The following CCNB3 variants were observed in gnomAD, a reference collection of about 807,000 sequenced individuals.
CCNB3 encodes the protein G2/mitotic-specific cyclin-B3.
In CCNB3, 12 loss-of-function variants were observed where a neutral mutation model predicts 68.0. The observed-to-expected ratio is 0.18, with a 90% CI of 0.11 to 0.29. The LOEUF (loss-of-function observed/expected upper bound fraction) is 0.29, where lower values mean the gene tolerates loss of function less well. CCNB3 is among the 10% of genes least tolerant of loss of function. CCNB3 has a pLI of 1.00. For synonymous variants in CCNB3, 354 were observed against 388.9 expected (o/e 0.91, Z 1.06); for missense variants, 904 against 993.1 (o/e 0.91, Z 1.21).
intron 1 of CCNB3, among the ~76,000 whole-genome samples, chrX:50,220,622 C>G (rs1718170865): frequency 3.6e-5 from 4 of 111,801 alleles, no homozygotes; most frequent in Admixed American, 2.8e-4. Context: ...AGGGATGAAG[C>G]CAACTTGATC....
chrX:50,286,903 C>T (rs1936250357), intron 3 of CCNB3, among the ~76,000 whole-genome samples: 1 of 112,528 alleles, frequency 8.9e-6, no homozygotes, highest in Non-Finnish European at 1.9e-5. Flanking sequence ...CCGCCTCAGC[C>T]TCCCAAAGTG....
rs1935866136 is a variant in CCNB3 at position 50,227,087 on chromosome X, T to C, written c.-113+22137T>C. Among the ~76,000 whole-genome samples, 8 of 80,489 alleles carry C rather than the reference T, an allele frequency of 9.9e-5. No homozygotes were observed. In the South Asian group the frequency reaches 4.6e-3, roughly 46 times the overall value. The allele number at this position is 80,489 out of a possible 115,157, so 69.9% of individuals were successfully genotyped here. ...TATATACAAATATAAAGAATATATA[T>C]AAATATATAGAATATACATACAAAT... is the stretch of plus-strand genomic sequence containing the variant. On this transcript the variant is annotated intron_variant, in intron 1 of 12. Transcript: ENST00000376042.
rs1557220319 is a variant in CCNB3 at position 50,346,645 on chromosome X, C to T, written c.3655-7C>T. ...TGGTTGTCACCTCCTCTCCTCTCCA[C>T]CCATAGGAGCACAACTCACCTCGTG... On this transcript the variant is annotated splice_polypyrimidine_tract_variant and splice_region_variant and intron_variant, in intron 9 of 12. Coordinates refer to ENST00000376042, the MANE Select transcript of CCNB3 (RefSeq NM_033031.3). 3 of 1,207,071 alleles carry T rather than the reference C, an allele frequency of 2.5e-6. No individual in the cohort carries two copies. The South Asian group carries it at 5.4e-5, about 22-fold the overall frequency.
intron 8 of CCNB3, among the ~76,000 whole-genome samples, chrX:50,341,367 A>G (rs868911502): frequency 9.7e-6 from 1 of 103,051 alleles, no homozygotes; most frequent in African/African-American, 3.5e-5. Flanking sequence ...AAATAAATAA[A>G]TAAATAAGTA....
intron 5 of CCNB3, 62 bp from the exon 6 acceptor site, chrX:50,308,442 GA>G (rs1381215799): frequency 1.3e-6 from 1 of 751,099 alleles, no homozygotes; most frequent in Non-Finnish European, 1.9e-6. Flanking sequence ...GCAACAAAAG[GA>G]AATGGTAGGT....
Position 50,310,579 on chromosome X carries a change from A to G in CCNB3, c.2410A>G (p.Met804Val). Residue 804 changes from methionine (M) to valine (V), a missense_variant, in exon 6 of 13, where the codon ATG (methionine) becomes GTG (valine). By Grantham distance (21) the Met-to-Val change is conservative (BLOSUM62 1). Around this residue, in one of 2 missense-constraint regions of CCNB3, gnomAD observed 619 missense variants for 609.8 expected, o/e 1.02. Transcript: ENST00000376042. ...GETLFKKLLA[M>V]QEEPSIEKEA... ...GACCCTCTTCAAGAAGCTTTTGGCC[A>G]TGCAGGAGGAGCCCAGCATTGAGAA... 1 of 1,211,307 alleles carries G rather than the reference A, an allele frequency of 8.3e-7. No individual in the cohort carries two copies. Among genetic ancestry groups the G allele is most frequent in the Non-Finnish European group, 1.1e-6 (1 of 895,358 alleles).
rs782207060 is a variant in CCNB3 at position 50,309,614 on chromosome X, C to T, written c.1445C>T (p.Ala482Val). 4 of 1,208,716 alleles carry T rather than the reference C, an allele frequency of 3.3e-6. No individual in the cohort carries two copies. The highest frequency in any genetic ancestry group is 3.5e-5 in the African/African-American group (2 of 56,820). ...ACAAAGAAGTGTACCATTGAGGAGG[C>T]ACCCCCCACCAAGAAGCCTTTAATT... ...AFTKKCTIEE[A>V]PPTKKPLILK... Residue 482 changes from alanine to valine, a missense_variant, in exon 6 of 13, where the codon GCA (alanine) becomes GTA (valine). This residue lies in a region of CCNB3 where 619 missense variants were observed against 609.8 expected (regional missense o/e 1.02). Coordinates refer to ENST00000376042, the MANE Select transcript of CCNB3 (RefSeq NM_033031.3).
intron 8 of CCNB3, among the ~76,000 whole-genome samples, chrX:50,335,754 C>CAT (rs1178667519): frequency 9.0e-6 from 1 of 111,249 alleles, no homozygotes; most frequent in African/African-American, 3.3e-5. Context: ...CCCTGGTGAC[C>CAT]ATAAGAGCCA....
chrX:50,224,710 A>G (rs1252815840), intron 1 of CCNB3, among the ~76,000 whole-genome samples: 1 of 111,522 alleles, frequency 9.0e-6, no homozygotes, highest in Non-Finnish European at 1.9e-5. Flanking sequence ...ACTTGTCTAC[A>G]ATGATGACCT....
chrX:50,215,941 C>CTTTTTT (rs1195858030), intron 1 of CCNB3, among the ~76,000 whole-genome samples: 9 of 52,483 alleles, frequency 1.7e-4, no homozygotes, highest in East Asian at 6.1e-4. Context: ...GGGTGTGCTT[C>CTTTTTT]TTTTTTTTTT....
At chrX:50,228,084 A>G (rs1382242136) in intron 1 of CCNB3, among the ~76,000 whole-genome samples, 2 of 89,036 alleles carry the variant, frequency 2.2e-5, no homozygotes, top group South Asian at 5.1e-4. Context: ...ATAAATATTT[A>G]GAGAATATAT....
intron 7 of CCNB3, among the ~76,000 whole-genome samples, chrX:50,312,938 C>G (rs1485163819): frequency 1.8e-5 from 2 of 110,687 alleles, no homozygotes; most frequent in Non-Finnish European, 3.8e-5. Context: ...GTCTGATTGC[C>G]TTGAAGACCA....
chrX:50,334,959 T>G (rs1196119014), intron 8 of CCNB3, among the ~76,000 whole-genome samples: 1 of 112,079 alleles, frequency 8.9e-6, no homozygotes, highest in Admixed American at 9.4e-5. Flanking sequence ...GAATAGTGAA[T>G]CCCAGGTAGT....
intron 1 of CCNB3, among the ~76,000 whole-genome samples, chrX:50,206,775 G>A (rs1415183752): frequency 6.4e-5 from 7 of 109,113 alleles, no homozygotes; most frequent in African/African-American, 2.3e-4. Context: ...AAAATTAGCT[G>A]GGTGTGGTGG....
intron 8 of CCNB3, among the ~76,000 whole-genome samples, chrX:50,325,583 C>T (rs1159013693): frequency 2.7e-5 from 3 of 112,000 alleles, no homozygotes; most frequent in African/African-American, 6.5e-5. Flanking sequence ...AAGTGAACTC[C>T]GAAAACCTCA....
At chrX:50,350,248 TACACACACACACAC>T (rs35500925) in intron 11 of CCNB3, among the ~76,000 whole-genome samples, 3 of 95,238 alleles carry the variant, frequency 3.1e-5, no homozygotes, top group Non-Finnish European at 6.4e-5. Flanking sequence ...CATACACAAA[TACACACACACACAC>T]ACACACACAC....
chrX:50,293,545 C>A (rs1936389005), intron 4 of CCNB3, among the ~76,000 whole-genome samples: 1 of 111,374 alleles, frequency 9.0e-6, no homozygotes, highest in Non-Finnish European at 1.9e-5. Context: ...ATCATGAATT[C>A]ATGCAGCTTC....
chrX:50,291,292 T>C (rs1936343567), intron 4 of CCNB3, among the ~76,000 whole-genome samples: 1 of 111,624 alleles, frequency 9.0e-6, no homozygotes, highest in Non-Finnish European at 1.9e-5. Context: ...TTTATTTTTA[T>C]TTATATATGT....
At chrX:50,282,890 A>T (rs1602198182) in intron 1 of CCNB3, among the ~76,000 whole-genome samples, 1 of 103,262 alleles carries the variant, frequency 9.7e-6, no homozygotes, top group Non-Finnish European at 2.0e-5. Context: ...GGTCATCCAT[A>T]AAAAAAAAAA....
Sources: gnomAD v4.1 joint callset for allele counts (sites outside exome capture counted in the v4.1 genomes callset) on GRCh38, gnomAD v4.1.1 for gene constraint, gnomAD v4.1.1 regional missense constraint, MANE v1.5 for transcripts, NCBI Gene and HGNC (gene_info 2026-07-23, HGNC 2026-07-21) for gene names.